The following COBLL1 variants were observed in gnomAD, a reference collection of about 807,000 sequenced individuals.
COBLL1 encodes the protein cordon-bleu protein-like 1.
Under a neutral mutation model 94.8 loss-of-function variants are expected in COBLL1, and 50 were observed. That is an observed-to-expected ratio of 0.53 (90% CI 0.42 to 0.67). The LOEUF is 0.67. COBLL1 is among the 30% of genes least tolerant of loss of function. COBLL1 has a pLI of 0.00. For missense variants in COBLL1, 1,362 were observed against 1,348.7 expected (o/e 1.01, Z -0.15); for synonymous variants, 448 against 473.8 (o/e 0.95, Z 0.71).
At chr2:164,676,760 C>T (rs1029417781), downstream of COBLL1, among the ~76,000 whole-genome samples, 4 of 151,810 alleles carry the variant, frequency 2.6e-5, no homozygotes, top group African/African-American at 9.7e-5. Context: ...GGCAAAGGAT[C>T]ATTAACTTCT....
At chr2:164,744,224 A>T (rs1014432323) in intron 2 of COBLL1, among the ~76,000 whole-genome samples, 2 of 152,154 alleles carry the variant, frequency 1.3e-5, no homozygotes, top group African/African-American at 4.8e-5. Context: ...AAAAATCCTT[A>T]ATGTTTCAGG....
intron 3 of COBLL1, 127 bp downstream of exon 3, chr2:164,743,560 C>T: frequency 2.8e-6 from 2 of 705,404 alleles, no homozygotes; most frequent in Non-Finnish European, 2.3e-6. Context: ...TTTTTTTTAA[C>T]AGGTAACTAA....
intron 7 of COBLL1, among the ~76,000 whole-genome samples, chr2:164,720,393 AAC>A (rs1685384163): frequency 6.6e-6 from 1 of 152,180 alleles, no homozygotes; most frequent in African/African-American, 2.4e-5. Flanking sequence ...AATTTTAAGA[AAC>A]AGACTATTAG....
intron 13 of COBLL1, among the ~76,000 whole-genome samples, chr2:164,690,209 T>A (rs995502426): frequency 6.6e-6 from 1 of 152,140 alleles, no homozygotes; most frequent in African/African-American, 2.4e-5. Context: ...AAAATGCTCG[T>A]CATGAAGTTT....
At chr2:164,784,936 TG>T (rs561779776) in intron 2 of COBLL1, among the ~76,000 whole-genome samples, 126 of 152,096 alleles carry the variant, frequency 8.3e-4, no homozygotes, top group African/African-American at 2.9e-3. Flanking sequence ...TGTTGGGAGG[TG>T]GGGCCTAATG....
intron 2 of COBLL1, among the ~76,000 whole-genome samples, chr2:164,786,708 A>C (rs1265462526): frequency 6.6e-6 from 1 of 152,172 alleles, no homozygotes; most frequent in Non-Finnish European, 1.5e-5. Context: ...CACTTCCCAG[A>C]ATGGCTTCAG....
intron 7 of COBLL1, 142 bp from the exon 8 acceptor site, chr2:164,705,247 T>TGTGTGTG: frequency 1.9e-6 from 1 of 526,948 alleles, no homozygotes; most frequent in Non-Finnish European, 3.0e-6. Flanking sequence ...ATGAAGCATC[T>TGTGTGTG]GCCACACACA....
chr2:164,836,392 T>G (rs1683318559), intron 2 of COBLL1, among the ~76,000 whole-genome samples: 2 of 152,162 alleles, frequency 1.3e-5, no homozygotes, highest in Admixed American at 1.3e-4. Flanking sequence ...TAAACATAAT[T>G]TTAAAAAGAA....
chr2:164,676,058 A>C (rs1476670806), downstream of COBLL1, among the ~76,000 whole-genome samples: 2 of 152,244 alleles, frequency 1.3e-5, no homozygotes, highest in Non-Finnish European at 2.9e-5. Flanking sequence ...CTCAACCCAC[A>C]GGATTGAATT....
At chr2:164,782,054 G>A (rs1363225079) in intron 2 of COBLL1, among the ~76,000 whole-genome samples, 1 of 151,848 alleles carries the variant, frequency 6.6e-6, no homozygotes, top group Non-Finnish European at 1.5e-5. Flanking sequence ...CATAACTTAG[G>A]ACATTTTTTA....
intron 2 of COBLL1, among the ~76,000 whole-genome samples, chr2:164,755,806 A>G (rs1687367313): frequency 6.6e-6 from 1 of 152,214 alleles, no homozygotes; most frequent in African/African-American, 2.4e-5. Context: ...AAATTCATGT[A>G]AACAAATGGA....
Position 164,765,632 on chromosome 2 carries a change from C to T in COBLL1, c.42-21757G>A, listed in dbSNP as rs186035224. On this transcript the variant is annotated intron_variant, in intron 2 of 13. Coordinates refer to ENST00000652658, the MANE Select transcript of COBLL1 (RefSeq NM_001365672.2). ...CAAAGCGTTTGTGACATTTAAAGCTCGGTGAAAGGTGAGTAATGAATACTC... is the reference window on the plus strand; with the variant it reads ...CAAAGCGTTTGTGACATTTAAAGCTTGGTGAAAGGTGAGTAATGAATACTC... 2.9e-3 allele frequency among the ~76,000 whole-genome samples: 448 copies of T among 151,876 alleles called. 8 individuals are homozygous for T. Among genetic ancestry groups the T allele is most frequent in the African/African-American group, 0.01 (426 of 41,400 alleles).
At chr2:164,686,881 A>G (rs1347546671) in intron 13 of COBLL1, among the ~76,000 whole-genome samples, 2 of 152,250 alleles carry the variant, frequency 1.3e-5, no homozygotes, top group African/African-American at 4.8e-5. Flanking sequence ...TTACAAGAAG[A>G]CAACTGGAGT....
chr2:164,668,358 A>G (rs897060338), intron 1 of COBLL1, among the ~76,000 whole-genome samples: 2 of 152,140 alleles, frequency 1.3e-5, no homozygotes, highest in African/African-American at 4.8e-5. Flanking sequence ...TCACTTGAAC[A>G]CTTAGAGGCC....
At chr2:164,672,486 C>G (rs1691256949) in intron 1 of COBLL1, among the ~76,000 whole-genome samples, 1 of 151,776 alleles carries the variant, frequency 6.6e-6, no homozygotes, top group Admixed American at 6.6e-5. Context: ...ATCATGAGGT[C>G]AGGAGATCGA....
At chr2:164,662,884 C>T (rs1290917699) in intron 2 of COBLL1, among the ~76,000 whole-genome samples, 1 of 152,168 alleles carries the variant, frequency 6.6e-6, no homozygotes, top group East Asian at 1.9e-4. Flanking sequence ...GATGCTGGCA[C>T]CATGCTTGTA....
intron 2 of COBLL1, among the ~76,000 whole-genome samples, chr2:164,769,343 C>T (rs993675291): frequency 1.3e-4 from 20 of 152,132 alleles, no homozygotes; most frequent in Admixed American, 1.2e-3. Flanking sequence ...TAAAAATAAC[C>T]AAGCTGTAGG....
intron 2 of COBLL1, chr2:164,773,856 G>C (rs969767473): frequency 5.7e-6 from 3 of 526,038 alleles, no homozygotes; most frequent in Non-Finnish European, 5.4e-6. Flanking sequence ...TGGCAAATAT[G>C]TAAAAGAAGG....
At chr2:164,780,406 A>G (rs1393668454) in intron 2 of COBLL1, among the ~76,000 whole-genome samples, 2 of 152,178 alleles carry the variant, frequency 1.3e-5, no homozygotes, top group African/African-American at 4.8e-5. Flanking sequence ...GTTTAAATTT[A>G]TAAAAATTAT....
Sources: gnomAD v4.1 joint callset for allele counts (sites outside exome capture counted in the v4.1 genomes callset) on GRCh38, gnomAD v4.1.1 for gene constraint, MANE v1.5 for transcripts, NCBI Gene and HGNC (gene_info 2026-07-23, HGNC 2026-07-21) for gene names.